TANK: variants seen among roughly 807,000 people sequenced by gnomAD.
TANK encodes the protein TRAF family member associated NFKB activator.
Under a neutral mutation model 43.6 loss-of-function variants are expected in TANK, and 15 were observed. The ratio of observed to expected loss-of-function variants is 0.34; its 90% CI spans 0.23 to 0.53. TANK has a LOEUF of 0.53. TANK is among the 20% of genes least tolerant of loss of function. The pLI, the probability that TANK is intolerant of heterozygous loss-of-function variation, is 0.94. For missense variants in TANK, 417 were observed against 498.6 expected, an observed-to-expected ratio of 0.84 and a Z score of 1.56; for synonymous variants, 162 against 178.2, an observed-to-expected ratio of 0.91 and a Z score of 0.73.
intron 1 of TANK, among the ~76,000 whole-genome samples, chr2:161,146,954 C>G (rs1033879240): frequency 1.3e-5 from 2 of 152,112 alleles, no homozygotes; most frequent in Non-Finnish European, 2.9e-5. Flanking sequence ...CCATGGAGAC[C>G]GCAGCACCCC....
chr2:161,219,065 T>G (rs1687236370), intron 4 of TANK, among the ~76,000 whole-genome samples: 1 of 152,166 alleles, frequency 6.6e-6, no homozygotes, highest in African/African-American at 2.4e-5. Context: ...TTTCTTCCCT[T>G]TAAAGAAATC....
At chr2:161,160,960 A>G (rs1684401171) in intron 1 of TANK, 2 of 430,178 alleles carry the variant, frequency 4.6e-6, no homozygotes, top group Non-Finnish European at 4.5e-6. Flanking sequence ...TGGTTGCACA[A>G]TTCCCCTCTG....
At position 161,203,125 on chromosome 2, in the gene TANK, A is replaced by G. The variant is rs549961231; in HGVS notation, c.100-362A>G. The stretch of plus-strand genomic sequence containing the variant: ...TTTTTAAGTTAGTATGTATTTTTAA[A>G]GAATCACTTTAATATAGCATCTGTT... On this transcript the variant is annotated intron_variant, in intron 2 of 7. Coordinates refer to ENST00000392749, the MANE Select transcript of TANK (RefSeq NM_001199135.3). 2.4e-5 allele frequency: 6 copies of G among 247,622 alleles called. No homozygotes were observed. In the South Asian group the frequency reaches 2.6e-4, roughly 11 times the overall value. 15.3% of individuals were successfully genotyped at this position (247,622 alleles called of 1,614,324 possible). A position where few individuals can be genotyped will look rare whatever the true frequency, so the allele number is the denominator to read the frequency against.
At chr2:161,156,078 T>C, upstream of TANK, 1 of 984,028 alleles carries the variant, frequency 1.0e-6, no homozygotes, top group African/African-American at 1.7e-5. Flanking sequence ...GTTCAAAGTA[T>C]TACTTCAGAT....
At chr2:161,201,029 G>C (rs1364622823) in intron 2 of TANK, 2 of 890,900 alleles carry the variant, frequency 2.2e-6, no homozygotes, top group East Asian at 2.4e-4. Flanking sequence ...TCAGTCTAGA[G>C]GGAAATCAGA....
intron 2 of TANK, among the ~76,000 whole-genome samples, chr2:161,202,182 C>CTTTTTT (rs35913723): frequency 5.6e-4 from 44 of 78,128 alleles, no homozygotes; most frequent in East Asian, 1.4e-3. Flanking sequence ...GCTCTAATTT[C>CTTTTTT]TTTTTTTTTT....
At chr2:161,211,723 CTT>C in intron 4 of TANK, 1 of 978,240 alleles carries the variant, frequency 1.0e-6, no homozygotes, top group Middle Eastern at 5.2e-4. Flanking sequence ...TCTTTTCTAT[CTT>C]TTATCATACA....
chr2:161,169,138 TC>T (rs1384118654), intron 1 of TANK, among the ~76,000 whole-genome samples: 1 of 152,134 alleles, frequency 6.6e-6, no homozygotes, highest in African/African-American at 2.4e-5. Context: ...ACAAAGGGTA[TC>T]CCCAAATTCA....
At chr2:161,183,975 C>A (rs980300034) in intron 2 of TANK, among the ~76,000 whole-genome samples, 5 of 151,796 alleles carry the variant, frequency 3.3e-5, no homozygotes, top group Non-Finnish European at 5.9e-5. Context: ...TACATGAGCA[C>A]AGAGAAGAGA....
At chr2:161,204,556 A>G in intron 3 of TANK, 119 bp from the exon 4 acceptor site, 1 of 931,822 alleles carries the variant, frequency 1.1e-6, no homozygotes, top group Non-Finnish European at 1.6e-6. Context: ...AATTTTCTAA[A>G]ACTCCTACCT....
chr2:161,179,496 A>G (rs1685321399), intron 1 of TANK, 118 bp from the exon 2 acceptor site: 1 of 794,398 alleles, frequency 1.3e-6, no homozygotes, highest in Non-Finnish European at 1.8e-6. Flanking sequence ...ACTTATGTTT[A>G]TAGTACTTGG....
intron 4 of TANK, chr2:161,212,313 G>C (rs1459103052): frequency 2.2e-6 from 2 of 901,040 alleles, no homozygotes; most frequent in East Asian, 2.4e-4. Flanking sequence ...CACCTGCCTC[G>C]GCCTCCCATA....
intron 4 of TANK, among the ~76,000 whole-genome samples, chr2:161,217,727 T>C (rs1476811394): frequency 1.3e-5 from 2 of 151,848 alleles, no homozygotes; most frequent in African/African-American, 4.8e-5. Flanking sequence ...AGTTTTTTGG[T>C]TTTTTTCTGG....
chr2:161,161,231 G>C, intron 1 of TANK: 2 of 1,544,316 alleles, frequency 1.3e-6, no homozygotes, highest in Non-Finnish European at 1.7e-6. Flanking sequence ...ATGCTATAAC[G>C]AGCAAAAGTA....
At chr2:161,185,701 G>T (rs1685627463) in intron 2 of TANK, among the ~76,000 whole-genome samples, 1 of 132,296 alleles carries the variant, frequency 7.6e-6, no homozygotes, top group South Asian at 2.6e-4. Context: ...ATCACACTCT[G>T]GGGACTGTGG....
At chr2:161,145,626 A>G (rs1389259205) in intron 1 of TANK, among the ~76,000 whole-genome samples, 3 of 151,720 alleles carry the variant, frequency 2.0e-5, no homozygotes, top group African/African-American at 7.3e-5. Context: ...TGGGTTGAAA[A>G]TTATTTTCTT....
intron 4 of TANK, among the ~76,000 whole-genome samples, chr2:161,221,993 T>C (rs1457115218): frequency 6.6e-6 from 1 of 152,130 alleles, no homozygotes; most frequent in African/African-American, 2.4e-5. Flanking sequence ...TCACCCACAC[T>C]AGTTATCAAA....
intron 4 of TANK, among the ~76,000 whole-genome samples, chr2:161,220,922 T>C (rs911755708): frequency 2.0e-5 from 3 of 152,188 alleles, no homozygotes; most frequent in Admixed American, 2.0e-4. Context: ...CACTTTTTTT[T>C]CTCCTCCTTA....
At chr2:161,174,714 T>A (rs1276594330) in intron 1 of TANK, among the ~76,000 whole-genome samples, 1 of 152,168 alleles carries the variant, frequency 6.6e-6, no homozygotes, top group African/African-American at 2.4e-5. Flanking sequence ...CACCTCTACT[T>A]GCTTTCAGGC....
Sources: gnomAD v4.1 joint callset for allele counts (sites outside exome capture counted in the v4.1 genomes callset) on GRCh38, gnomAD v4.1.1 for gene constraint, MANE v1.5 for transcripts, NCBI Gene and HGNC (gene_info 2026-07-23, HGNC 2026-07-21) for gene names.